PHF2: variants seen among roughly 807,000 people sequenced by gnomAD.
PHF2 encodes the protein lysine-specific demethylase PHF2.
Under a neutral mutation model 120.5 loss-of-function variants are expected in PHF2, and 27 were observed. The observed-to-expected ratio is 0.22, with a 90% CI of 0.17 to 0.31. The LOEUF (loss-of-function observed/expected upper bound fraction) is 0.31. PHF2 is among the 10% of genes least tolerant of loss of function. The pLI, the probability that PHF2 is intolerant of heterozygous loss-of-function variation, is 1.00. For missense variants in PHF2, 1,024 were observed against 1,434.8 expected (o/e 0.71, Z 4.63); for synonymous variants, 568 against 592.5 (o/e 0.96, Z 0.60).
intron 1 of PHF2, among the ~76,000 whole-genome samples, chr9:93,578,285 T>G (rs1175740050): frequency 6.6e-6 from 1 of 152,140 alleles, no homozygotes; most frequent in Non-Finnish European, 1.5e-5. Context: ...TGCCCAGGGC[T>G]GTGGAAGCCC....
chr9:93,657,647 G>A (rs567894808), intron 9 of PHF2, among the ~76,000 whole-genome samples: 2 of 152,304 alleles, frequency 1.3e-5, no homozygotes, highest in East Asian at 3.9e-4. Flanking sequence ...TCAGAGCCCT[G>A]GAGCCCTGGA....
chr9:93,603,640 G>GA (rs1402352064), intron 1 of PHF2, among the ~76,000 whole-genome samples: 3 of 152,116 alleles, frequency 2.0e-5, no homozygotes, highest in Non-Finnish European at 2.9e-5. Context: ...ATTCAAGGGG[G>GA]ATCTGACCTC....
Position 93,602,947 on chromosome 9 carries a change from G to A in PHF2, c.98+26076G>A, listed in dbSNP as rs374042053. ...CCGAGGCTGGGAGCCCTACCCAGGGGTCTCAGGATACAGCAGGGCAGAGGT... is the reference window on the plus strand; with the variant it reads ...CCGAGGCTGGGAGCCCTACCCAGGGATCTCAGGATACAGCAGGGCAGAGGT... On this transcript the variant is annotated intron_variant, in intron 1 of 21. Transcript: ENST00000359246. 2.1e-3 allele frequency among the ~76,000 whole-genome samples: 317 copies of A among 152,226 alleles called. 1 individual carries two copies. The highest frequency in any genetic ancestry group is 6.8e-3 in the Middle Eastern group (2 of 294).
chr9:93,669,886 G>C (rs990307990), intron 17 of PHF2, among the ~76,000 whole-genome samples: 3 of 152,224 alleles, frequency 2.0e-5, no homozygotes, highest in Non-Finnish European at 4.4e-5. Flanking sequence ...CTCAGTCTCT[G>C]TGTCTGGTAA....
At chr9:93,674,763 T>C (rs1826877276) in intron 18 of PHF2, among the ~76,000 whole-genome samples, 164 bp from the exon 19 acceptor site, 2 of 152,146 alleles carry the variant, frequency 1.3e-5, no homozygotes, top group Admixed American at 1.3e-4. Flanking sequence ...GTCCTCACCA[T>C]GGGCAGCTTC....
chr9:93,677,095 G>T lies in PHF2; in HGVS notation c.3202+132G>T, dbSNP rs1315973404. The T allele has an allele frequency of 1.1e-5, 11 of 992,054 alleles. No individual in the cohort carries two copies. The East Asian group carries it at 2.4e-4, about 22-fold the overall frequency. 61.5% of individuals were successfully genotyped at this position (992,054 alleles called of 1,614,324 possible). ...GGGCTCCTGGGCCTTGGGTGGCAGG[G>T]TGCTGTGGTCCAAGTTGGTTGCATC... is the stretch of plus-strand genomic sequence containing the variant. On this transcript the variant is annotated intron_variant, in intron 21 of 21. Transcript: ENST00000359246. This position sits in a 1 kb window ranked among gnomAD's most constrained non-coding sequence, Gnocchi z 4.4.
At chr9:93,599,811 G>A (rs1367693311) in intron 1 of PHF2, among the ~76,000 whole-genome samples, 1 of 152,246 alleles carries the variant, frequency 6.6e-6, no homozygotes, top group African/African-American at 2.4e-5. Flanking sequence ...TATACATGAT[G>A]CCCAGCCACG....
intron 1 of PHF2, among the ~76,000 whole-genome samples, chr9:93,619,661 T>C (rs1354148242): frequency 6.6e-6 from 1 of 152,102 alleles, no homozygotes; most frequent in Non-Finnish European, 1.5e-5. Context: ...CCATACCTGC[T>C]GGTGGCACCC....
At chr9:93,650,399 C>G (rs1316809654) in intron 5 of PHF2, among the ~76,000 whole-genome samples, 1 of 152,210 alleles carries the variant, frequency 6.6e-6, no homozygotes, top group Admixed American at 6.5e-5. Context: ...ATCCCTGGCA[C>G]AGTTACTAAC....
In PHF2 at chr9:93,597,059, T is replaced by C. The variant is rs1222481668; in HGVS notation, c.98+20188T>C. 2.7e-5 allele frequency among the ~76,000 whole-genome samples: 4 copies of C among 150,890 alleles called. No individual in the cohort carries two copies. In the Admixed American group the frequency reaches 2.7e-4, roughly 10 times the overall value. ...CATTCTCCAGCCTCAGCCTCCCGAG[T>C]AGCTGGGACTACAGGTGCCCGCCAC... On this transcript the variant is annotated intron_variant, in intron 1 of 21. Transcript: ENST00000359246.
Position 93,667,081 on chromosome 9 carries a change from G to C in PHF2, c.2189G>C (p.Ser730Thr). The C allele has an allele frequency of 6.2e-7, 1 of 1,612,350 alleles. No individual in the cohort carries two copies. The highest frequency in any genetic ancestry group is 8.5e-7 in the Non-Finnish European group (1 of 1,179,674). ...KPKLDSAAYK[S>T]DDSSDEGSLH... ...GAAGCCCTGTCCCTCGCGCAGCAGAGTGATGACTCCTCGGACGAGGGTTCG... is the reference window on the plus strand; with the variant it reads ...GAAGCCCTGTCCCTCGCGCAGCAGACTGATGACTCCTCGGACGAGGGTTCG... The change falls in exon 17 of 22, where the codon AGT becomes ACT. Residue 730 changes from serine to threonine, a missense_variant and splice_region_variant. By Grantham distance (58) the Ser-to-Thr change is moderately conservative (BLOSUM62 1). Transcript: ENST00000359246.
intron 2 of PHF2, among the ~76,000 whole-genome samples, chr9:93,632,692 AATC>A (rs1336783352): frequency 6.6e-6 from 1 of 152,108 alleles, no homozygotes; most frequent in Non-Finnish European, 1.5e-5. Flanking sequence ...CACCTCATAA[AATC>A]ATCACCTTAG....
In PHF2 at chr9:93,636,572, C is replaced by T. The variant is rs201949274; in HGVS notation, c.299+47C>T. ...CTCCACCACCTGCAGCCAGGGGATG[C>T]ACACTCTCTCCGTCCCTTGTCCCGC... On this transcript the variant is annotated intron_variant, in intron 3 of 21. Transcript: ENST00000359246. The T allele has an allele frequency of 1.9e-4, 238 of 1,278,734 alleles. 2 individuals carry two copies. The highest frequency in any genetic ancestry group is 4.6e-4 in the Middle Eastern group (2 of 4,366). 79.2% of individuals were successfully genotyped at this position (1,278,734 alleles called of 1,614,324 possible).
rs550121931 is a variant in PHF2 at position 93,677,132 on chromosome 9, G to A, written c.3202+169G>A. 7.5e-5 allele frequency among the ~76,000 whole-genome samples: 11 copies of A among 147,356 alleles called. No homozygotes were observed. The highest frequency in any genetic ancestry group is 1.4e-4 in the Admixed American group (2 of 14,530). On this transcript the variant is annotated intron_variant, in intron 21 of 21. Transcript: ENST00000359246. This position sits in a 1 kb window ranked among gnomAD's most constrained non-coding sequence, Gnocchi z 4.4. ...AAGTTGGTTGCATCTTTGTGTGAGC[G>A]TATCCCACAGTACAGGACGTGTGCT...
At chr9:93,645,305 C>A (rs1280721132) in intron 3 of PHF2, among the ~76,000 whole-genome samples, 2 of 152,156 alleles carry the variant, frequency 1.3e-5, no homozygotes, top group East Asian at 1.9e-4. Flanking sequence ...GGTTGGGGAG[C>A]GACCTTGCTC....
At chr9:93,589,190 A>C (rs1260501948) in intron 1 of PHF2, among the ~76,000 whole-genome samples, 1 of 152,228 alleles carries the variant, frequency 6.6e-6, no homozygotes, top group Non-Finnish European at 1.5e-5. Flanking sequence ...GGAAGGAACC[A>C]AGTGCTCACT....
intron 1 of PHF2, among the ~76,000 whole-genome samples, chr9:93,610,148 TAA>T (rs1324585668): frequency 2.6e-5 from 4 of 152,202 alleles, no homozygotes; most frequent in African/African-American, 9.7e-5. Context: ...TTGCTGTTAT[TAA>T]TTTTGGAAAA....
In PHF2 at chr9:93,602,508, C is replaced by T. The variant is rs1168163524; in HGVS notation, c.98+25637C>T. Among the ~76,000 whole-genome samples, 3 of 152,110 alleles carry T rather than the reference C, an allele frequency of 2.0e-5. 1 individual carries two copies. The highest frequency in any genetic ancestry group is 4.4e-5 in the Non-Finnish European group (3 of 68,002). On this transcript the variant is annotated intron_variant, in intron 1 of 21. Transcript: ENST00000359246. ...GCTCCGGCAATCCACCCACCTCGGCCTCCCAAAGTGCTGGGATTACAGGTG... is the reference window on the plus strand; with the variant it reads ...GCTCCGGCAATCCACCCACCTCGGCTTCCCAAAGTGCTGGGATTACAGGTG...
At chr9:93,619,454 A>G (rs1042694916) in intron 1 of PHF2, among the ~76,000 whole-genome samples, 2 of 152,188 alleles carry the variant, frequency 1.3e-5, no homozygotes, top group African/African-American at 2.4e-5. Context: ...AAGTGTCCTC[A>G]GGGTGGAGGG....
Sources: allele counts gnomAD v4.1 joint callset (sites outside exome capture counted in the v4.1 genomes callset), GRCh38; gene constraint gnomAD v4.1.1; non-coding constraint Gnocchi (gnomAD v3.1); transcripts MANE v1.5; gene names NCBI Gene and HGNC (gene_info 2026-07-23, HGNC 2026-07-21).